Variants in GULP1 observed in about 807,000 individuals in gnomAD.
GULP1 encodes the protein PTB domain-containing engulfment adapter protein 1.
GULP1 carries 19 observed loss-of-function variants against 40.9 expected under a neutral mutation model. That is an observed-to-expected ratio of 0.46 (90% confidence interval 0.32 to 0.68). The LOEUF (loss-of-function observed/expected upper bound fraction) is 0.68, where lower values mean the gene tolerates loss of function less well. Ranked by LOEUF, GULP1 falls within the 30% of genes least tolerant of loss-of-function variation. The pLI is 0.03. For synonymous variants in GULP1, 119 were observed against 117.6 expected, an observed-to-expected ratio of 1.01 and a Z score of -0.08; for missense variants, 312 against 362.2, an observed-to-expected ratio of 0.86 and a Z score of 1.12.
intron 2 of GULP1, among the ~76,000 whole-genome samples, chr2:188,475,292 A>G (rs2060918812): frequency 6.6e-6 from 1 of 152,184 alleles, no homozygotes; most frequent in Non-Finnish European, 1.5e-5. Context: ...GCATTTTGTG[A>G]GCAAGCAAAA....
intron 6 of GULP1, among the ~76,000 whole-genome samples, chr2:188,538,129 G>T (rs556607785): frequency 6.6e-6 from 1 of 152,030 alleles, no homozygotes; most frequent in Non-Finnish European, 1.5e-5. Context: ...TCCTTCCAAA[G>T]AACTAACTTT....
At chr2:188,529,307 A>C (rs926164230) in intron 6 of GULP1, 112 bp downstream of exon 6, 40 of 553,810 alleles carry the variant, frequency 7.2e-5, no homozygotes, top group Non-Finnish European at 6.4e-6. Flanking sequence ...GTTCTGAGTT[A>C]ATGACAGTTC....
Position 188,589,802 on chromosome 2 carries a change from C to A in GULP1, c.843+1853C>A, listed in dbSNP as rs1703149546. 5.2e-6 allele frequency: 5 copies of A among 966,474 alleles called. No homozygotes were observed. In the South Asian group the frequency reaches 8.2e-5, roughly 16 times the overall value. The allele number at this position is 966,474 out of a possible 1,614,324, so 59.9% of individuals were successfully genotyped here. The stretch of plus-strand genomic sequence containing the variant: ...TTAAACAACTTACAAATTTTTAAAG[C>A]TGAAACCTTAAAATTTGCATGCCTT... On this transcript the variant is annotated intron_variant, in intron 11 of 11. Transcript: ENST00000409830.
intron 2 of GULP1, among the ~76,000 whole-genome samples, chr2:188,449,800 A>C (rs2058690581): frequency 6.6e-6 from 1 of 152,222 alleles, no homozygotes; most frequent in Non-Finnish European, 1.5e-5. Context: ...TTGTTGCCAC[A>C]TTATTGGCAA....
At chr2:188,534,182 C>T (rs1688313309) in intron 6 of GULP1, among the ~76,000 whole-genome samples, 1 of 151,630 alleles carries the variant, frequency 6.6e-6, no homozygotes, top group Non-Finnish European at 1.5e-5. Flanking sequence ...GAAAGACATA[C>T]ACTCTCATTT....
intron 7 of GULP1, among the ~76,000 whole-genome samples, chr2:188,555,387 A>G (rs2153389010): frequency 6.6e-6 from 1 of 152,300 alleles, no homozygotes; most frequent in African/African-American, 2.4e-5. Context: ...TTCCTTGAAC[A>G]ATTCATATAA....
At chr2:188,476,426 C>T (rs1042966457) in intron 2 of GULP1, among the ~76,000 whole-genome samples, 2 of 152,084 alleles carry the variant, frequency 1.3e-5, no homozygotes, top group Admixed American at 1.3e-4. Flanking sequence ...CAGTTACTGT[C>T]TTGTCATCTG....
At chr2:188,294,610 A>T (rs780976986) in intron 1 of GULP1, among the ~76,000 whole-genome samples, 11 of 152,176 alleles carry the variant, frequency 7.2e-5, no homozygotes, top group Admixed American at 1.3e-4. Context: ...ACAAACAAAC[A>T]AACTAATGTG....
At chr2:188,380,687 A>G (rs2048906423) in intron 1 of GULP1, among the ~76,000 whole-genome samples, 1 of 152,206 alleles carries the variant, frequency 6.6e-6, no homozygotes, top group Non-Finnish European at 1.5e-5. Context: ...ATACTGTTAA[A>G]TTATTGGACT....
rs1190379169 is a variant in GULP1, at chr2:188,524,690, C to T, written c.162+1863C>T. On this transcript the variant is annotated intron_variant, in intron 5 of 11. Transcript: ENST00000409830. ...AATATTTTTTAAATGTCAAGCCTGG[C>T]GCTACTGGCTCGCAATGGCCAGTAG... 3.3e-5 allele frequency among the ~76,000 whole-genome samples: 5 copies of T among 150,010 alleles called. 1 individual carries two copies. The South Asian group carries it at 8.4e-4, about 25-fold the overall frequency.
chr2:188,328,009 A>T (rs2041005731), intron 1 of GULP1, among the ~76,000 whole-genome samples: 1 of 152,122 alleles, frequency 6.6e-6, no homozygotes, highest in South Asian at 2.1e-4. Context: ...AGTACATACC[A>T]AGAGGTCATT....
intron 1 of GULP1, among the ~76,000 whole-genome samples, chr2:188,339,738 T>C (rs1304790801): frequency 6.6e-6 from 1 of 152,198 alleles, no homozygotes; most frequent in Non-Finnish European, 1.5e-5. Flanking sequence ...GTCTGCTTTG[T>C]CTTTTGATAT....
chr2:188,556,077 A>T (rs1694683168), intron 7 of GULP1, among the ~76,000 whole-genome samples: 1 of 147,408 alleles, frequency 6.8e-6, no homozygotes, highest in Admixed American at 6.6e-5. Flanking sequence ...AAAGAAAAAG[A>T]AAAAGAAAAA....
chr2:188,453,501 A>G (rs2059006706), intron 2 of GULP1, among the ~76,000 whole-genome samples: 1 of 151,106 alleles, frequency 6.6e-6, no homozygotes, highest in Admixed American at 6.6e-5. Flanking sequence ...CAGCACCCCT[A>G]TCAAGATTTT....
intron 11 of GULP1, chr2:188,591,027 A>C (rs768810629): frequency 3.9e-4 from 60 of 152,116 alleles, no homozygotes; most frequent in Non-Finnish European, 7.6e-4. Context: ...TATAGTATCC[A>C]ATTTTTTAAA....
rs1313572184 is a variant in GULP1, at chr2:188,516,098, C to T, written c.91-6658C>T. 2.6e-5 allele frequency among the ~76,000 whole-genome samples: 4 copies of T among 152,146 alleles called. No individual in the cohort carries two copies. The East Asian group carries it at 7.7e-4, about 29-fold the overall frequency. Reference sequence around the variant, plus strand: ...ACTGCTGTGCTTTTATTCGTCATATCTGTAGTGGCCATCAACACCCTCCTG... The same window carrying T: ...ACTGCTGTGCTTTTATTCGTCATATTTGTAGTGGCCATCAACACCCTCCTG... On this transcript the variant is annotated intron_variant, in intron 4 of 11. Coordinates refer to ENST00000409830, the MANE Select transcript of GULP1 (RefSeq NM_016315.4).
Position 188,569,275 on chromosome 2 carries a change from G to T in GULP1, c.436G>T (p.Asp146Tyr). 1 of 1,595,850 alleles carries T rather than the reference G, an allele frequency of 6.3e-7. No individual in the cohort carries two copies. The highest frequency in any genetic ancestry group is 1.1e-5 in the South Asian group (1 of 90,666). ...CACTTTAACAATTGGCCAAGCATTT[G>T]ACCTGGCATACAGGAAATTTCTAGA... ...EITLTIGQAF[D>Y]LAYRKFLESG... The change falls in exon 8 of 12, where the codon GAC becomes TAC. Residue 146 changes from aspartate (D) to tyrosine (Y), a missense_variant. Asp to Tyr is a radical substitution (Grantham distance 160, BLOSUM62 -3). Transcript: ENST00000409830.
At chr2:188,497,832 A>C (rs556521007) in intron 4 of GULP1, among the ~76,000 whole-genome samples, 21 of 152,096 alleles carry the variant, frequency 1.4e-4, no homozygotes, top group Admixed American at 2.6e-4. Flanking sequence ...AATACACAAA[A>C]ACATGAGGAA....
chr2:188,451,634 A>G lies in GULP1; in HGVS notation c.-44-26025A>G, dbSNP rs1575345384. Among the ~76,000 whole-genome samples the G allele has an allele frequency of 5.3e-5, 8 of 152,244 alleles. 1 individual carries two copies. Among genetic ancestry groups the G allele is most frequent in the Admixed American group, 5.2e-4 (8 of 15,278 alleles). On this transcript the variant is annotated intron_variant, in intron 2 of 11. Transcript: ENST00000409830. Reference sequence around the variant, plus strand: ...TTAATTTAGGCTTTTTGGTTTTCTCAATATTAATGTCAAAATTGAAAATAC... The same window carrying G: ...TTAATTTAGGCTTTTTGGTTTTCTCGATATTAATGTCAAAATTGAAAATAC...
Sources: gnomAD v4.1 joint callset for allele counts (sites outside exome capture counted in the v4.1 genomes callset) on GRCh38, gnomAD v4.1.1 for gene constraint, MANE v1.5 for transcripts, NCBI Gene and HGNC (gene_info 2026-07-23, HGNC 2026-07-21) for gene names.